PRDM16: variants seen among roughly 807,000 people sequenced by gnomAD.
PRDM16 encodes the protein PR/SET domain 16.
Under a neutral mutation model 110.6 loss-of-function variants are expected in PRDM16, and 23 were observed. That is an observed-to-expected ratio of 0.21 (90% CI 0.15 to 0.29). The LOEUF (loss-of-function observed/expected upper bound fraction) is 0.29. Among genes scored for constraint, PRDM16 ranks in the 10% least tolerant of loss-of-function variants. The probability of loss-of-function intolerance (pLI) is 1.00; values close to 1 mark genes in which losing one functional copy is unlikely to be tolerated. For missense variants in PRDM16, 1,615 were observed against 1,794.3 expected, an observed-to-expected ratio of 0.90 and a Z score of 1.81; for synonymous variants, 799 against 781.8, an observed-to-expected ratio of 1.02 and a Z score of -0.37.
intron 1 of PRDM16, among the ~76,000 whole-genome samples, chr1:3,167,650 A>C (rs1174894092): frequency 3.9e-4 from 7 of 18,008 alleles, no homozygotes; most frequent in Admixed American, 9.3e-4. Flanking sequence ...CTCCCACCCC[A>C]CCCCTGCCTC....
intron 1 of PRDM16, among the ~76,000 whole-genome samples, chr1:3,130,227 C>T (rs189108617): frequency 9.2e-5 from 14 of 152,258 alleles, no homozygotes; most frequent in South Asian, 4.2e-4. Flanking sequence ...ACCTGGAGGC[C>T]GACTGCCAGA....
At chr1:3,399,966 A>T (rs1243106133) in intron 5 of PRDM16, among the ~76,000 whole-genome samples, 2 of 152,176 alleles carry the variant, frequency 1.3e-5, no homozygotes, top group Non-Finnish European at 2.9e-5. Context: ...GTGTTCTGCA[A>T]TGGTCTTGGT....
chr1:3,260,226 A>AG (rs2100248126), intron 3 of PRDM16, among the ~76,000 whole-genome samples: 1 of 152,368 alleles, frequency 6.6e-6, no homozygotes, highest in South Asian at 2.1e-4. Flanking sequence ...CTGGGGGGCC[A>AG]GGCCCCAAGG....
chr1:3,171,104 A>T (rs1318794030), intron 1 of PRDM16, among the ~76,000 whole-genome samples: 1 of 152,158 alleles, frequency 6.6e-6, no homozygotes, highest in Admixed American at 6.5e-5. Flanking sequence ...TTCCAGACTG[A>T]CAGTGCTCGG....
In PRDM16 at chr1:3,411,868, C is replaced by T. The variant is rs755737799; in HGVS notation, c.1671C>T (p.Pro557=). Residue 557 remains proline, a synonymous_variant, in exon 9 of 17, where the codon CCC becomes CCT. Transcript: ENST00000270722. The part of the protein sequence containing the change: ...LPSPLGNPAL[P]LVSAVSNSSQ... ...GTCCCCTGGGGAACCCAGCCCTGCC[C>T]CTGGTCTCCGCCGTCAGCAACAGCA... is the stretch of plus-strand genomic sequence containing the variant. The T allele has an allele frequency of 6.2e-7, 1 of 1,612,552 alleles. No homozygotes were observed. The highest frequency in any genetic ancestry group is 8.5e-7 in the Non-Finnish European group (1 of 1,179,132).
intron 10 of PRDM16, among the ~76,000 whole-genome samples, chr1:3,417,520 C>G (rs1638297883): frequency 6.6e-6 from 1 of 152,254 alleles, no homozygotes; most frequent in African/African-American, 2.4e-5. Context: ...CATCAGCTAC[C>G]TGTATCACTC....
intron 3 of PRDM16, among the ~76,000 whole-genome samples, chr1:3,361,965 C>T (rs1200864196): frequency 4.9e-4 from 68 of 138,856 alleles, no homozygotes; most frequent in African/African-American, 1.7e-3. Context: ...GAGAAGTGAC[C>T]GTGGCCCAGG....
intron 3 of PRDM16, among the ~76,000 whole-genome samples, chr1:3,298,101 A>C (rs1429304539): frequency 6.6e-6 from 1 of 152,254 alleles, no homozygotes; most frequent in Non-Finnish European, 1.5e-5. Context: ...TGGGCCATGC[A>C]CTAGAGAAGG....
At chr1:3,070,551 C>T (rs1248821583) in intron 1 of PRDM16, among the ~76,000 whole-genome samples, 2 of 148,064 alleles carry the variant, frequency 1.4e-5, no homozygotes, top group South Asian at 2.1e-4. Flanking sequence ...GCCCGCCCAC[C>T]CGCAGAAGAG....
At chr1:3,247,763 G>T (rs1371837044) in intron 3 of PRDM16, among the ~76,000 whole-genome samples, 1 of 152,248 alleles carries the variant, frequency 6.6e-6, no homozygotes, top group Admixed American at 6.5e-5. Context: ...GCCCGTCCTG[G>T]TGCGCCCTGG....
intron 3 of PRDM16, among the ~76,000 whole-genome samples, chr1:3,369,790 C>T (rs925525466): frequency 1.3e-5 from 2 of 152,244 alleles, no homozygotes; most frequent in African/African-American, 4.8e-5. Context: ...ATTTGCAGGG[C>T]ATCCAAAGAC....
At position 3,154,050 on chromosome 1, in the gene PRDM16, C is replaced by G. The variant is rs547736903; in HGVS notation, c.38-32075C>G. On this transcript the variant is annotated intron_variant, in intron 1 of 16. Coordinates refer to ENST00000270722, the MANE Select transcript of PRDM16 (RefSeq NM_022114.4). ...CAGCCCAGGGACGGCGCTCCCCTTCCCGTGCACTCTCCCAATCTGCGGCCC... is the reference window on the plus strand; with the variant it reads ...CAGCCCAGGGACGGCGCTCCCCTTCGCGTGCACTCTCCCAATCTGCGGCCC... 2.0e-5 allele frequency among the ~76,000 whole-genome samples: 3 copies of G among 152,312 alleles called. No individual in the cohort carries two copies. In the East Asian group the frequency reaches 5.8e-4, roughly 29 times the overall value.
chr1:3,420,230 G>A (rs1018340395), intron 12 of PRDM16, among the ~76,000 whole-genome samples: 2 of 152,214 alleles, frequency 1.3e-5, no homozygotes, highest in Non-Finnish European at 2.9e-5. Context: ...GCAGGTCTGT[G>A]CCGAGGGGTT....
intron 3 of PRDM16, among the ~76,000 whole-genome samples, chr1:3,276,121 AG>A (rs1640577180): frequency 6.6e-6 from 1 of 152,244 alleles, no homozygotes. Context: ...AAGGGCTTCA[AG>A]GGGGGAGAAA....
At chr1:3,381,074 C>A (rs12085231) in intron 3 of PRDM16, among the ~76,000 whole-genome samples, 15,932 of 152,284 alleles carry the variant, frequency 0.1, 874 homozygotes, top group Middle Eastern at 0.13. Context: ...AATTGGCCAT[C>A]GCTTCAATGT....
intron 3 of PRDM16, among the ~76,000 whole-genome samples, chr1:3,345,733 G>A (rs553779984): frequency 1.4e-5 from 2 of 148,042 alleles, no homozygotes; most frequent in Admixed American, 6.7e-5. Flanking sequence ...CTCCCGTGCT[G>A]CCCCCTCTGT....
intron 3 of PRDM16, among the ~76,000 whole-genome samples, chr1:3,324,713 G>A (rs531703730): frequency 6.6e-6 from 1 of 151,904 alleles, no homozygotes; most frequent in African/African-American, 2.4e-5. Context: ...CTAAAGCACA[G>A]ATGTCCCCCC....
intron 4 of PRDM16, among the ~76,000 whole-genome samples, chr1:3,391,080 C>T (rs1643292562): frequency 6.6e-6 from 1 of 152,184 alleles, no homozygotes; most frequent in Non-Finnish European, 1.5e-5. Context: ...GGGTGATCTG[C>T]CCGCCTCGGC....
chr1:3,157,422 T>TAAAAAA lies in PRDM16; in HGVS notation c.38-28688_38-28683dup, dbSNP rs34858929. 1.6e-3 allele frequency among the ~76,000 whole-genome samples: 193 copies of TAAAAAA among 122,088 alleles called. No homozygotes were observed. Among genetic ancestry groups the TAAAAAA allele is most frequent in the African/African-American group, 2.7e-3 (86 of 31,466 alleles). The allele number at this position is 122,088 out of a possible 152,430, so 80.1% of individuals were successfully genotyped here. ...GCTCCCAGGCCTTTTGCGATCCCAT[T>TAAAAAA]AAAAAAAAAAAAAAAAAAAACACCT... On this transcript the variant is annotated intron_variant, in intron 1 of 16. Coordinates refer to ENST00000270722, the MANE Select transcript of PRDM16 (RefSeq NM_022114.4). This position sits in a 1 kb window ranked among gnomAD's most constrained non-coding sequence, Gnocchi z 4.8.
Sources: allele counts gnomAD v4.1 joint callset (sites outside exome capture counted in the v4.1 genomes callset), GRCh38; gene constraint gnomAD v4.1.1; non-coding constraint Gnocchi (gnomAD v3.1); transcripts MANE v1.5; gene names NCBI Gene and HGNC (gene_info 2026-07-23, HGNC 2026-07-21).